The following ANO2 variants were observed in gnomAD, a reference collection of about 807,000 sequenced individuals.
ANO2 encodes anoctamin-2.
ANO2 carries 101 observed loss-of-function variants against 124.2 expected under a neutral mutation model. The ratio of observed to expected loss-of-function variants is 0.81; its 90% CI spans 0.69 to 0.96. The LOEUF (loss-of-function observed/expected upper bound fraction) is 0.96. ANO2 is among the 40% of genes least tolerant of loss of function. The pLI is 0.00. For missense variants in ANO2, 1,293 were observed against 1,274.5 expected (o/e 1.01, Z -0.22); for synonymous variants, 486 against 482.5 (o/e 1.01, Z -0.09).
At chr12:5,906,312 A>G (rs1051214349) in intron 3 of ANO2, among the ~76,000 whole-genome samples, 3 of 151,456 alleles carry the variant, frequency 2.0e-5, no homozygotes, top group African/African-American at 7.3e-5. Flanking sequence ...AAACAGCACT[A>G]AAGGCTATTA....
intron 3 of ANO2, among the ~76,000 whole-genome samples, chr12:5,909,511 G>A (rs547875137): frequency 5.3e-5 from 8 of 152,270 alleles, no homozygotes; most frequent in African/African-American, 1.9e-4. Flanking sequence ...AATAGAAGTC[G>A]AGATCCAGAG....
intron 16 of ANO2, among the ~76,000 whole-genome samples, chr12:5,628,510 T>C (rs1239168819): frequency 1.3e-5 from 2 of 152,226 alleles, no homozygotes; most frequent in East Asian, 1.9e-4. Context: ...ATCAGTTCCA[T>C]GACCTTGGGC....
Position 5,672,033 on chromosome 12 carries a change from G to C in ANO2, c.1546-24232C>G, listed in dbSNP as rs191252900. Among the ~76,000 whole-genome samples the C allele has an allele frequency of 1.9e-4, 29 of 152,236 alleles. No individual in the cohort carries two copies. The East Asian group carries it at 5.2e-3, about 27-fold the overall frequency. ...ATAGCATTGCACATGGTGATCCCTA[G>C]GTTCTCGCTGAGGACTGGAAGGGAC... On this transcript the variant is annotated intron_variant, in intron 14 of 24. Coordinates refer to ENST00000682330, the MANE Select transcript of ANO2 (RefSeq NM_001364791.2).
intron 15 of ANO2, among the ~76,000 whole-genome samples, chr12:5,645,200 G>A (rs1034657577): frequency 2.0e-5 from 3 of 152,114 alleles, no homozygotes; most frequent in Non-Finnish European, 4.4e-5. Flanking sequence ...TCGCTATGCT[G>A]TATTACGGAT....
intron 4 of ANO2, among the ~76,000 whole-genome samples, chr12:5,833,612 C>A (rs1457855379): frequency 1.3e-5 from 2 of 152,188 alleles, no homozygotes; most frequent in Non-Finnish European, 2.9e-5. Flanking sequence ...GACCACACAA[C>A]AGGAGGTGCG....
intron 14 of ANO2, among the ~76,000 whole-genome samples, chr12:5,685,068 C>G (rs778139780): frequency 1.3e-5 from 2 of 152,188 alleles, no homozygotes; most frequent in Admixed American, 6.5e-5. Context: ...GTTCCAGACA[C>G]AGCAGAGACT....
intron 19 of ANO2, among the ~76,000 whole-genome samples, chr12:5,610,085 T>A (rs530361713): frequency 7.5e-6 from 1 of 133,664 alleles, no homozygotes; most frequent in African/African-American, 2.8e-5. Flanking sequence ...ATAATATAAA[T>A]ATATATATTT....
At chr12:5,918,296 T>C (rs955424557) in intron 3 of ANO2, among the ~76,000 whole-genome samples, 1 of 152,166 alleles carries the variant, frequency 6.6e-6, no homozygotes, top group African/African-American at 2.4e-5. Flanking sequence ...GTCTTCTGCC[T>C]TAAGGGTCTG....
rs182029997 is a variant in ANO2 at position 5,732,449 on chromosome 12, C to T, written c.1545+71G>A. 7.9e-5 allele frequency: 105 copies of T among 1,326,370 alleles called. No individual in the cohort carries two copies. In the African/African-American group the frequency reaches 1.0e-3, roughly 13 times the overall value. 82.2% of individuals were successfully genotyped at this position (1,326,370 alleles called of 1,614,324 possible). On this transcript the variant is annotated intron_variant, in intron 14 of 24. Coordinates refer to ENST00000682330, the MANE Select transcript of ANO2 (RefSeq NM_001364791.2). ...CAAGCCCAGTCTCCCTTCACTAAGGCGTGCCAAACAAAATGACAACAGGAT... is the reference window on the plus strand; with the variant it reads ...CAAGCCCAGTCTCCCTTCACTAAGGTGTGCCAAACAAAATGACAACAGGAT...
At chr12:5,573,681 G>A (rs1942250779) in intron 23 of ANO2, among the ~76,000 whole-genome samples, 1 of 152,192 alleles carries the variant, frequency 6.6e-6, no homozygotes, top group Non-Finnish European at 1.5e-5. Context: ...TAGTATGAGA[G>A]TCAGACTCTT....
At chr12:5,700,237 T>C (rs926351292) in intron 14 of ANO2, among the ~76,000 whole-genome samples, 6 of 152,320 alleles carry the variant, frequency 3.9e-5, no homozygotes, top group Middle Eastern at 3.4e-3. Context: ...TATAACAAAC[T>C]GTCTCTCAGA....
At chr12:5,595,467 C>T (rs1355673982) in intron 20 of ANO2, among the ~76,000 whole-genome samples, 1 of 152,060 alleles carries the variant, frequency 6.6e-6, no homozygotes, top group Admixed American at 6.6e-5. Flanking sequence ...AAGCAATCCT[C>T]CTGTCTCAGC....
At chr12:5,823,004 G>C (rs1953853357) in intron 7 of ANO2, among the ~76,000 whole-genome samples, 1 of 152,106 alleles carries the variant, frequency 6.6e-6, no homozygotes, top group Admixed American at 6.5e-5. Flanking sequence ...AATAGCATGG[G>C]AAAGAACAGG....
intron 14 of ANO2, among the ~76,000 whole-genome samples, chr12:5,726,550 T>G (rs1474829754): frequency 1.3e-5 from 2 of 152,228 alleles, no homozygotes; most frequent in Admixed American, 6.5e-5. Flanking sequence ...GGCTCTGCCA[T>G]GTATTATCAT....
intron 14 of ANO2, among the ~76,000 whole-genome samples, chr12:5,722,009 TAAAC>T (rs1297227825): frequency 1.3e-5 from 2 of 152,206 alleles, no homozygotes; most frequent in East Asian, 1.9e-4. Context: ...TAAATTGAAA[TAAAC>T]AATAATAATT....
chr12:5,677,633 T>C (rs1339577492), intron 14 of ANO2, among the ~76,000 whole-genome samples: 1 of 152,102 alleles, frequency 6.6e-6, no homozygotes, highest in African/African-American at 2.4e-5. Flanking sequence ...CCTCCATCCC[T>C]GACCATACCA....
intron 3 of ANO2, among the ~76,000 whole-genome samples, chr12:5,864,022 G>T (rs1349021840): frequency 6.6e-6 from 1 of 152,096 alleles, no homozygotes; most frequent in Non-Finnish European, 1.5e-5. Flanking sequence ...GCAGGGATAG[G>T]CACTGTGAAA....
In ANO2 at chr12:5,824,005, C is replaced by T. The variant is rs1037405179; in HGVS notation, c.892+3764G>A. ...TGGCCCCTTTCAGCCACAGCTGGAG[C>T]GGCTGGAACACAGGGCAGCAAGTCC... is the stretch of plus-strand genomic sequence containing the variant. On this transcript the variant is annotated intron_variant, in intron 7 of 24. Coordinates refer to ENST00000682330, the MANE Select transcript of ANO2 (RefSeq NM_001364791.2). Among the ~76,000 whole-genome samples the T allele has an allele frequency of 4.6e-5, 7 of 152,304 alleles. No individual in the cohort carries two copies. In the South Asian group the frequency reaches 6.2e-4, roughly 14 times the overall value.
intron 11 of ANO2, 33 bp from the exon 12 acceptor site, chr12:5,744,350 A>ACCT: frequency 2.5e-6 from 4 of 1,612,484 alleles, no homozygotes; most frequent in Non-Finnish European, 3.4e-6. Context: ...GGTCAGGTGG[A>ACCT]GCTCAAGCAT....
Sources: gnomAD v4.1 joint callset for allele counts (sites outside exome capture counted in the v4.1 genomes callset) on GRCh38, gnomAD v4.1.1 for gene constraint, MANE v1.5 for transcripts, NCBI Gene and HGNC (gene_info 2026-07-23, HGNC 2026-07-21) for gene names.